RNF43: variants seen among roughly 807,000 people sequenced by gnomAD.
RNF43 encodes ring finger protein 43.
Under a neutral mutation model 78.4 loss-of-function variants are expected in RNF43, and 37 were observed. The ratio of observed to expected loss-of-function variants is 0.47; its 90% confidence interval spans 0.36 to 0.62. The LOEUF is 0.62. Among genes scored for constraint, RNF43 ranks in the 20% least tolerant of loss-of-function variants. RNF43 has a pLI of 0.00. For missense variants in RNF43, 774 were observed against 1,007.9 expected (o/e 0.77, Z 3.14); for synonymous variants, 347 against 395.0 (o/e 0.88, Z 1.44).
rs539667582 is a variant in RNF43 at position 58,360,433 on chromosome 17, G to C, written c.850-182C>G. On this transcript the variant is annotated intron_variant, in intron 7 of 9. Transcript: ENST00000407977. This position sits in a 1 kb window ranked among gnomAD's most constrained non-coding sequence, Gnocchi z 4.3. Reference sequence around the variant, plus strand: ...ATAGACCTGGATTTTGCACTTAGCTGCATGACGTTGGGCAACTTTCTTAAC... The same window carrying C: ...ATAGACCTGGATTTTGCACTTAGCTCCATGACGTTGGGCAACTTTCTTAAC... 6.6e-6 allele frequency among the ~76,000 whole-genome samples: 1 copy of C among 152,298 alleles called. No homozygotes were observed. Among genetic ancestry groups the C allele is most frequent in the East Asian group, 1.9e-4 (1 of 5,190 alleles).
rs1973949043 is a variant in RNF43, at chr17:58,408,001, G to A, written c.252+7325C>T. Among the ~76,000 whole-genome samples, 3 of 152,166 alleles carry A rather than the reference G, an allele frequency of 2.0e-5. No individual in the cohort carries two copies. In the South Asian group the frequency reaches 6.2e-4, roughly 31 times the overall value. On this transcript the variant is annotated intron_variant, in intron 2 of 9. Coordinates refer to ENST00000407977, the MANE Select transcript of RNF43 (RefSeq NM_017763.6). ...AGCAGAATTCATTTACTACACATAA[G>A]AAGATCTTTGTCAGACATCAATTTT...
rs560486543 is a variant in RNF43, at chr17:58,417,436, A to C, written c.-805T>G. 2.6e-5 allele frequency: 4 copies of C among 152,364 alleles called. No homozygotes were observed. In the South Asian group the frequency reaches 8.3e-4, roughly 32 times the overall value. 9.4% of individuals were successfully genotyped at this position (152,364 alleles called of 1,614,324 possible). ...CTATCAGAAACACATAAAATCCCAG[A>C]GAGAGAGAAGGCAGTATCTCTGAAT... is the stretch of plus-strand genomic sequence containing the variant. On this transcript the variant is annotated 5_prime_UTR_variant, in exon 1 of 10. Coordinates refer to ENST00000407977, the MANE Select transcript of RNF43 (RefSeq NM_017763.6).
At chr17:58,370,347 C>T (rs761779097) in intron 3 of RNF43, among the ~76,000 whole-genome samples, 9 of 152,134 alleles carry the variant, frequency 5.9e-5, no homozygotes, top group Non-Finnish European at 1.5e-5. Flanking sequence ...GGATTATAGG[C>T]GTGCGCCACC....
At chr17:58,385,129 TCTTA>T (rs1486104510) in intron 2 of RNF43, among the ~76,000 whole-genome samples, 1 of 152,214 alleles carries the variant, frequency 6.6e-6, no homozygotes, top group Non-Finnish European at 1.5e-5. Flanking sequence ...TGCCTCTTCC[TCTTA>T]CTTTTCTTCC....
At chr17:58,396,035 C>A (rs1421118383) in intron 2 of RNF43, among the ~76,000 whole-genome samples, 2 of 152,106 alleles carry the variant, frequency 1.3e-5, no homozygotes, top group Admixed American at 6.5e-5. Context: ...TCCAGAGGAA[C>A]AACAGCAGCA....
Position 58,358,185 on chromosome 17 carries a change from G to A in RNF43, c.1591C>T (p.Arg531Cys), listed in dbSNP as rs1262556898. ...GTGGGCACCACCGAGTCCAAGGAACGAGGCCGAGAGGTCACACTAGGCTGC... is the reference window on the plus strand; with the variant it reads ...GTGGGCACCACCGAGTCCAAGGAACAAGGCCGAGAGGTCACACTAGGCTGC... ...DMQPSVTSRP[R>C]SLDSVVPTGE... The change falls in exon 9 of 10, where the codon CGT becomes TGT. Residue 531 changes from arginine (R) to cysteine (C), a missense_variant. By Grantham distance (180) the Arg-to-Cys change is radical (BLOSUM62 -3). Transcript: ENST00000407977. The surrounding 1 kb of genome is among the most constrained non-coding windows in gnomAD (Gnocchi z 6.2). 8.1e-6 allele frequency: 13 copies of A among 1,612,466 alleles called. No homozygotes were observed. Among genetic ancestry groups the A allele is most frequent in the East Asian group, 2.2e-5 (1 of 44,868 alleles).
At chr17:58,372,020 C>T (rs1973108646) in intron 2 of RNF43, among the ~76,000 whole-genome samples, 1 of 152,154 alleles carries the variant, frequency 6.6e-6, no homozygotes, top group Admixed American at 6.5e-5. Context: ...CCAGGGACTC[C>T]TATATAGTAG....
At chr17:58,378,026 C>T (rs1973242377) in intron 2 of RNF43, among the ~76,000 whole-genome samples, 1 of 152,012 alleles carries the variant, frequency 6.6e-6, no homozygotes, top group East Asian at 1.9e-4. Context: ...CAGAATAGGC[C>T]CACCACTGAG....
At chr17:58,365,243 A>G (rs1350419210) in intron 3 of RNF43, among the ~76,000 whole-genome samples, 2 of 152,142 alleles carry the variant, frequency 1.3e-5, no homozygotes, top group Admixed American at 1.3e-4. Context: ...ACCAGGGGAA[A>G]AGGAATCCCT....
chr17:58,357,140 C>T lies in RNF43; in HGVS notation c.2308+328G>A, dbSNP rs1972700942. ...AACTCCTGGCCTCAAGGGATCCACC[C>T]ACCTAGGCCTCCCAAAGTTCTGGGA... On this transcript the variant is annotated intron_variant, in intron 9 of 9. Coordinates refer to ENST00000407977, the MANE Select transcript of RNF43 (RefSeq NM_017763.6). This position sits in a 1 kb window ranked among gnomAD's most constrained non-coding sequence, Gnocchi z 4.5. 1 of 690,036 alleles carries T rather than the reference C, an allele frequency of 1.4e-6. No homozygotes were observed. The highest frequency in any genetic ancestry group is 1.8e-5 in the African/African-American group (1 of 57,008). The allele number at this position is 690,036 out of a possible 1,614,324, so 42.7% of individuals were successfully genotyped here. A position where few individuals can be genotyped will look rare whatever the true frequency, so the allele number is the denominator to read the frequency against.
chr17:58,363,243 C>T (rs1179947754), intron 5 of RNF43, 32 bp downstream of exon 5: 1 of 1,609,326 alleles, frequency 6.2e-7, no homozygotes, highest in Non-Finnish European at 8.5e-7. Flanking sequence ...GGGCTAAGTG[C>T]AGGGCAAGGT....
intron 5 of RNF43, 113 bp from the exon 6 acceptor site, chr17:58,362,761 C>G: frequency 1.3e-6 from 1 of 747,602 alleles, no homozygotes; most frequent in Admixed American, 2.8e-5. Flanking sequence ...TCCCTTGAGT[C>G]CTCCATCTGA....
intron 3 of RNF43, among the ~76,000 whole-genome samples, chr17:58,364,089 G>C (rs759395499): frequency 2.6e-5 from 4 of 152,152 alleles, no homozygotes; most frequent in African/African-American, 4.8e-5. Context: ...CTGCCTGCAG[G>C]GCATCTCCCC....
At position 58,396,178 on chromosome 17, in the gene RNF43, A is replaced by G. The variant is rs956158445; in HGVS notation, c.252+19148T>C. ...CAAAATCCCAACCTAAAAAAGACCA[A>G]CGTGATATGGAGGATACAGAAATGA... is the stretch of plus-strand genomic sequence containing the variant. On this transcript the variant is annotated intron_variant, in intron 2 of 9. Transcript: ENST00000407977. Among the ~76,000 whole-genome samples, 3 of 152,328 alleles carry G rather than the reference A, an allele frequency of 2.0e-5. No individual in the cohort carries two copies. In the South Asian group the frequency reaches 6.2e-4, roughly 32 times the overall value.
rs759690943 is a variant in RNF43, at chr17:58,357,558, G to C, written c.2218C>G (p.Pro740Ala). The C allele has an allele frequency of 6.2e-7, 1 of 1,614,218 alleles. No homozygotes were observed. The highest frequency in any genetic ancestry group is 8.5e-7 in the Non-Finnish European group (1 of 1,180,028). ...CTCCATTCAGAAGGCCCCTCCCCAG[G>C]TGGATGTGGTTCCAGGGGCTGGCGA... ...TPRQPLEPHP[P>A]GEGPSEWSSD... is the part of the protein sequence containing the mutation. The change falls in exon 9 of 10, where the codon CCT becomes GCT. Residue 740 changes from proline to alanine, a missense_variant. Coordinates refer to ENST00000407977, the MANE Select transcript of RNF43 (RefSeq NM_017763.6). This position sits in a 1 kb window ranked among gnomAD's most constrained non-coding sequence, Gnocchi z 4.5.
chr17:58,375,838 C>T (rs1322442885), intron 2 of RNF43, among the ~76,000 whole-genome samples: 1 of 152,212 alleles, frequency 6.6e-6, no homozygotes, highest in Middle Eastern at 3.2e-3. Context: ...CCTTCCCTTC[C>T]AAGAAGATGG....
chr17:58,403,742 A>T (rs1973852299), intron 2 of RNF43, among the ~76,000 whole-genome samples: 1 of 152,144 alleles, frequency 6.6e-6, no homozygotes, highest in Admixed American at 6.5e-5. Context: ...TACATACTAG[A>T]GCTCTATCCC....
In RNF43 at chr17:58,360,931, T is replaced by C. The variant is rs1598130969; in HGVS notation, c.701A>G (p.Gln234Arg). 2 of 1,582,588 alleles carry C rather than the reference T, an allele frequency of 1.3e-6. No homozygotes were observed. The highest frequency in any genetic ancestry group is 2.3e-5 in the East Asian group (1 of 43,652). ...PRHSRPDPLQQRTAWAISQLA... is the reference protein window; with the variant it reads ...PRHSRPDPLQRRTAWAISQLA... ...CTGGCTGATGGCCCAGGCTGTTCTCTGCTGAAGCGGATCCTGGGAAGAGGA... is the reference window on the plus strand; with the variant it reads ...CTGGCTGATGGCCCAGGCTGTTCTCCGCTGAAGCGGATCCTGGGAAGAGGA... Residue 234 changes from glutamine to arginine, a missense_variant, in exon 7 of 10, where the codon CAG (glutamine) becomes CGG (arginine). Coordinates refer to ENST00000407977, the MANE Select transcript of RNF43 (RefSeq NM_017763.6). This position sits in a 1 kb window ranked among gnomAD's most constrained non-coding sequence, Gnocchi z 4.3.
intron 2 of RNF43, among the ~76,000 whole-genome samples, chr17:58,400,472 TTAA>T (rs1973773363): frequency 6.6e-6 from 1 of 152,212 alleles, no homozygotes; most frequent in African/African-American, 2.4e-5. Context: ...TTAATTACTA[TTAA>T]TAATAATACC....
Sources: gnomAD v4.1 joint callset for allele counts (sites outside exome capture counted in the v4.1 genomes callset) on GRCh38, gnomAD v4.1.1 for gene constraint, Gnocchi (gnomAD v3.1) non-coding constraint, MANE v1.5 for transcripts, NCBI Gene and HGNC (gene_info 2026-07-23, HGNC 2026-07-21) for gene names.